Variants in PCDHGA5 observed in about 807,000 individuals in gnomAD.
PCDHGA5 encodes protocadherin gamma-A5.
A neutral mutation model predicts 56.7 loss-of-function variants in PCDHGA5; 36 were observed. That is an observed-to-expected ratio of 0.64 (90% CI 0.49 to 0.84). The LOEUF is 0.84. Among genes scored for constraint, PCDHGA5 ranks in the 40% least tolerant of loss-of-function variants. The pLI, the probability that PCDHGA5 is intolerant of heterozygous loss-of-function variation, is 0.00. For synonymous variants in PCDHGA5, 563 were observed against 520.2 expected (o/e 1.08, Z -1.12); for missense variants, 1,305 against 1,201.5 (o/e 1.09, Z -1.27).
intron 1 of PCDHGA5, chr5:141,385,234 C>T: frequency 1.2e-6 from 2 of 1,614,178 alleles, no homozygotes; most frequent in African/African-American, 1.3e-5. Context: ...TGTAGACATG[C>T]TCATCAGCCA....
intron 1 of PCDHGA5, chr5:141,388,316 G>A: frequency 6.2e-7 from 1 of 1,613,866 alleles, no homozygotes; most frequent in South Asian, 1.1e-5. Flanking sequence ...AAATAAGTGA[G>A]TCTGCACAGC....
intron 1 of PCDHGA5, chr5:141,433,007 C>T (rs550227016): frequency 1.2e-6 from 2 of 1,614,198 alleles, no homozygotes; most frequent in Admixed American, 3.3e-5. Context: ...GCAGGCTTTC[C>T]TGCAGACCTA....
intron 1 of PCDHGA5, among the ~76,000 whole-genome samples, chr5:141,481,913 C>CAAAA (rs34114744): frequency 1.1e-5 from 1 of 90,846 alleles, no homozygotes; most frequent in African/African-American, 4.2e-5. Context: ...AACTCCATCT[C>CAAAA]AAAAAAAAAA....
chr5:141,398,654 C>G, intron 1 of PCDHGA5: 1 of 1,613,998 alleles, frequency 6.2e-7, no homozygotes, highest in South Asian at 1.1e-5. Context: ...TCTCTTAACC[C>G]AAGTTTCTCA....
chr5:141,478,392 A>G, intron 1 of PCDHGA5: 1 of 1,613,560 alleles, frequency 6.2e-7, no homozygotes, highest in Non-Finnish European at 8.5e-7. Context: ...CTTTACCATC[A>G]GGTGTATCTC....
rs1302496204 is a variant in PCDHGA5, at chr5:141,413,214, T to A, written c.2421+46463T>A. On this transcript the variant is annotated intron_variant, in intron 1 of 3. Coordinates refer to ENST00000518069, the MANE Select transcript of PCDHGA5 (RefSeq NM_018918.3). ...GGAATCGCTCAAAGGAATCAAAGGA[T>A]TGCAGCGGGCTGGTCCTGCTCTGCC... 6 of 1,613,176 alleles carry A rather than the reference T, an allele frequency of 3.7e-6. No homozygotes were observed. The African/African-American group carries it at 8.0e-5, about 22-fold the overall frequency.
At chr5:141,368,627 T>C (rs1237870416) in intron 1 of PCDHGA5, among the ~76,000 whole-genome samples, 2 of 152,216 alleles carry the variant, frequency 1.3e-5, no homozygotes, top group Non-Finnish European at 2.9e-5. Context: ...ACATTTCTTC[T>C]GAGTTAAATG....
chr5:141,398,752 C>G lies in PCDHGA5; in HGVS notation c.2421+32001C>G, dbSNP rs1196162576. On this transcript the variant is annotated intron_variant, in intron 1 of 3. Coordinates refer to ENST00000518069, the MANE Select transcript of PCDHGA5 (RefSeq NM_018918.3). ...AGACCGGGAACAACAGAGTTACCAT[C>G]GTTTAGTCCTGACTGCCTTGGACGG... is the stretch of plus-strand genomic sequence containing the variant. The G allele has an allele frequency of 7.4e-6, 12 of 1,613,482 alleles. No homozygotes were observed. In the South Asian group the frequency reaches 1.2e-4, roughly 16 times the overall value.
At chr5:141,421,429 G>T in intron 1 of PCDHGA5, 1 of 1,614,090 alleles carries the variant, frequency 6.2e-7, no homozygotes, top group Non-Finnish European at 8.5e-7. Flanking sequence ...AGTCCGCATC[G>T]TCTCCAGAGG....
In PCDHGA5 at chr5:141,364,388, C is replaced by T; in HGVS notation, c.58C>T (p.Leu20=). The T allele has an allele frequency of 1.2e-6, 2 of 1,600,174 alleles. No individual in the cohort carries two copies. Among genetic ancestry groups the T allele is most frequent in the South Asian group, 2.3e-5 (2 of 88,840 alleles). ...AGAGCTGCTGCTGCCCTTCATGCTC[C>T]TGGGGACGCTGTGCGAGCCAGGATC... The part of the protein sequence containing the change: ...CGELLLPFML[L]GTLCEPGSGQ... Residue 20 remains leucine (L), a synonymous_variant, in exon 1 of 4, where the codon CTG becomes TTG. Transcript: ENST00000518069.
intron 1 of PCDHGA5, chr5:141,422,819 T>C (rs369004166): frequency 2.5e-6 from 4 of 1,614,068 alleles, no homozygotes; most frequent in Non-Finnish European, 2.5e-6. Flanking sequence ...GACTTAGAAC[T>C]GAGAGTGATA....
chr5:141,449,756 T>C (rs2098654563), intron 1 of PCDHGA5, among the ~76,000 whole-genome samples: 1 of 151,728 alleles, frequency 6.6e-6, no homozygotes, highest in South Asian at 2.1e-4. Flanking sequence ...TTTATGACAT[T>C]TGAGAGTAAG....
chr5:141,422,211 CTT>C (rs1339862278), intron 1 of PCDHGA5: 1 of 1,563,166 alleles, frequency 6.4e-7, no homozygotes, highest in African/African-American at 1.4e-5. Context: ...GTGGAGGTCT[CTT>C]TACCACCACG....
At chr5:141,403,118 C>A (rs780657795) in intron 1 of PCDHGA5, 2 of 1,614,058 alleles carry the variant, frequency 1.2e-6, no homozygotes. Context: ...GGCTCTGGAG[C>A]CCCGGGAGCT....
In PCDHGA5 at chr5:141,423,270, T is replaced by G. The variant is rs1304998648; in HGVS notation, c.2421+56519T>G. 3 of 1,613,686 alleles carry G rather than the reference T, an allele frequency of 1.9e-6. No homozygotes were observed. The African/African-American group carries it at 4.0e-5, about 22-fold the overall frequency. ...TGGCGGACCTCGGCAGCCTCGAGTC[T>G]CTGGCTAACTCTGAAACCTCAGACC... is the stretch of plus-strand genomic sequence containing the variant. On this transcript the variant is annotated intron_variant, in intron 1 of 3. Transcript: ENST00000518069.
At chr5:141,382,958 TG>T in intron 1 of PCDHGA5, 1 of 1,606,924 alleles carries the variant, frequency 6.2e-7, no homozygotes, top group Middle Eastern at 1.7e-4. Flanking sequence ...TCCATCCTCC[TG>T]GGGACCCCCT....
intron 1 of PCDHGA5, chr5:141,441,982 G>T: frequency 3.6e-6 from 1 of 277,096 alleles, no homozygotes; most frequent in South Asian, 3.6e-5. Flanking sequence ...CCTGGAATGC[G>T]CACCGACGAG....
intron 1 of PCDHGA5, among the ~76,000 whole-genome samples, chr5:141,382,084 C>A (rs1777939232): frequency 6.6e-6 from 1 of 152,102 alleles, no homozygotes; most frequent in South Asian, 2.1e-4. Flanking sequence ...CCGCCTCGGC[C>A]TCACAAAGTG....
intron 1 of PCDHGA5, chr5:141,388,437 A>C: frequency 6.2e-7 from 1 of 1,613,892 alleles, no homozygotes; most frequent in Non-Finnish European, 8.5e-7. Context: ...AAATAAAGAG[A>C]AATCAGATGG....
Sources: gnomAD v4.1 joint callset for allele counts (sites outside exome capture counted in the v4.1 genomes callset) on GRCh38, gnomAD v4.1.1 for gene constraint, MANE v1.5 for transcripts, NCBI Gene and HGNC (gene_info 2026-07-23, HGNC 2026-07-21) for gene names.